CDKAL1: variants seen among roughly 807,000 people sequenced by gnomAD.
CDKAL1 encodes threonylcarbamoyladenosine tRNA methylthiotransferase.
A neutral mutation model predicts 68.2 loss-of-function variants in CDKAL1; 32 were observed. The observed-to-expected ratio is 0.47, with a 90% CI of 0.35 to 0.63. CDKAL1 has a LOEUF of 0.63. Among genes scored for constraint, CDKAL1 ranks in the 30% least tolerant of loss-of-function variants. CDKAL1 has a pLI of 0.00. For synonymous variants in CDKAL1, 234 were observed against 244.3 expected (o/e 0.96, Z 0.39); for missense variants, 606 against 696.7 (o/e 0.87, Z 1.47).
intron 12 of CDKAL1, among the ~76,000 whole-genome samples, chr6:21,087,341 T>G (rs1229457641): frequency 7.8e-6 from 1 of 127,432 alleles, no homozygotes; most frequent in Non-Finnish European, 1.7e-5. Flanking sequence ...CAAGTCTTTG[T>G]TTTTTTTGGA....
At chr6:20,981,371 C>T (rs553657732) in intron 10 of CDKAL1, among the ~76,000 whole-genome samples, 2 of 152,048 alleles carry the variant, frequency 1.3e-5, no homozygotes, top group Non-Finnish European at 2.9e-5. Context: ...TAGCTTCATA[C>T]TTGGTATATG....
rs914540926 is a variant in CDKAL1, at chr6:20,973,229, A to G, written c.909+17644A>G. On this transcript the variant is annotated intron_variant, in intron 10 of 15. Coordinates refer to ENST00000274695, the MANE Select transcript of CDKAL1 (RefSeq NM_017774.3). ...TCAAGAGTTATCAGCTATAATTATT[A>G]TCATTGTTACTATACTGAGATTTTG... Among the ~76,000 whole-genome samples, 63 of 152,208 alleles carry G rather than the reference A, an allele frequency of 4.1e-4. 3 individuals carry two copies.
intron 7 of CDKAL1, among the ~76,000 whole-genome samples, chr6:20,768,261 G>A (rs1774786567): frequency 6.6e-6 from 1 of 152,102 alleles, no homozygotes; most frequent in South Asian, 2.1e-4. Context: ...AACCTCACTG[G>A]TTCTCAGTTT....
chr6:20,755,344 A>G (rs551130559), intron 6 of CDKAL1, among the ~76,000 whole-genome samples: 1 of 152,292 alleles, frequency 6.6e-6, no homozygotes, highest in East Asian at 1.9e-4. Context: ...TCCCATTGCC[A>G]GATACTGGAC....
chr6:20,706,920 C>G (rs933915597), intron 5 of CDKAL1, among the ~76,000 whole-genome samples: 3 of 138,334 alleles, frequency 2.2e-5, no homozygotes, highest in Non-Finnish European at 4.6e-5. Flanking sequence ...GGATTTGTTC[C>G]AGATACAGCA....
intron 7 of CDKAL1, 79 bp from the exon 8 acceptor site, chr6:20,781,066 G>T: frequency 7.2e-7 from 1 of 1,387,622 alleles, no homozygotes; most frequent in South Asian, 1.4e-5. Context: ...GAAGTTAAAT[G>T]AACACATTTG....
At chr6:20,814,445 A>T (rs1776956345) in intron 8 of CDKAL1, among the ~76,000 whole-genome samples, 1 of 152,092 alleles carries the variant, frequency 6.6e-6, no homozygotes, top group South Asian at 2.1e-4. Context: ...ATACCCAGCT[A>T]ACTTTTGTAA....
At chr6:21,227,263 C>T (rs1209123708) in intron 15 of CDKAL1, among the ~76,000 whole-genome samples, 2 of 152,144 alleles carry the variant, frequency 1.3e-5, no homozygotes, top group Non-Finnish European at 2.9e-5. Flanking sequence ...CTGCTTTCAA[C>T]TGGTATGGTT....
At chr6:20,955,316 GAAT>G in intron 9 of CDKAL1, 100 bp from the exon 10 acceptor site, 1 of 1,190,044 alleles carries the variant, frequency 8.4e-7, no homozygotes. Flanking sequence ...CAGACTGCCT[GAAT>G]AATAGTGTTG....
At chr6:21,110,241 T>C (rs1774053724) in intron 13 of CDKAL1, among the ~76,000 whole-genome samples, 1 of 152,204 alleles carries the variant, frequency 6.6e-6, no homozygotes, top group Non-Finnish European at 1.5e-5. Context: ...GGAAAAGTTT[T>C]ATTCCAGGCA....
chr6:20,920,672 A>AAAT (rs1762912788), intron 9 of CDKAL1, among the ~76,000 whole-genome samples: 1 of 152,216 alleles, frequency 6.6e-6, no homozygotes, highest in Non-Finnish European at 1.5e-5. Flanking sequence ...GTTAGTATTA[A>AAAT]AATAATAATG....
rs778018390 is a variant in CDKAL1, at chr6:20,829,664, GA to G, written c.639-16406del. Among the ~76,000 whole-genome samples, 12 of 152,242 alleles carry G rather than the reference GA, an allele frequency of 7.9e-5. No individual in the cohort carries two copies. The South Asian group carries it at 1.0e-3, about 13-fold the overall frequency. On this transcript the variant is annotated intron_variant, in intron 8 of 15. Transcript: ENST00000274695. ...TCTCCAAAAGATTGAGTTGACAAAA[GA>G]AAAAGTAGCATCAAATGTTTTATTT...
At chr6:20,988,932 A>G (rs969760472) in intron 10 of CDKAL1, among the ~76,000 whole-genome samples, 1 of 151,206 alleles carries the variant, frequency 6.6e-6, no homozygotes, top group Non-Finnish European at 1.5e-5. Flanking sequence ...TGCTGGGATT[A>G]CAGGTACGAG....
chr6:20,899,863 T>C (rs1241530692), intron 9 of CDKAL1, among the ~76,000 whole-genome samples: 1 of 152,162 alleles, frequency 6.6e-6, no homozygotes, highest in African/African-American at 2.4e-5. Flanking sequence ...TTAAAAAATT[T>C]TTATTCTCAT....
intron 11 of CDKAL1, among the ~76,000 whole-genome samples, chr6:21,006,974 A>G (rs921931936): frequency 2.6e-5 from 4 of 152,212 alleles, no homozygotes; most frequent in Non-Finnish European, 5.9e-5. Context: ...CCAATCACAT[A>G]TACATGAAGT....
intron 8 of CDKAL1, among the ~76,000 whole-genome samples, chr6:20,788,093 C>A (rs1393558700): frequency 6.6e-6 from 1 of 152,110 alleles, no homozygotes; most frequent in Non-Finnish European, 1.5e-5. Flanking sequence ...CCAGTACTTT[C>A]AAAAATGGAA....
At chr6:20,989,171 G>C (rs1169879296) in intron 10 of CDKAL1, among the ~76,000 whole-genome samples, 1 of 152,052 alleles carries the variant, frequency 6.6e-6, no homozygotes, top group African/African-American at 2.4e-5. Context: ...AGCATCAGGA[G>C]TCAAATGAGA....
At chr6:20,561,790 A>G (rs1281803940) in intron 4 of CDKAL1, among the ~76,000 whole-genome samples, 1 of 152,204 alleles carries the variant, frequency 6.6e-6, no homozygotes, top group Admixed American at 6.5e-5. Context: ...TATTCTTTTT[A>G]TCTTTAAGTT....
intron 4 of CDKAL1, among the ~76,000 whole-genome samples, chr6:20,565,912 G>C (rs1405134652): frequency 1.3e-5 from 2 of 151,948 alleles, no homozygotes. Flanking sequence ...AATAACAAAG[G>C]CTTTTTTCCT....
Sources: allele counts gnomAD v4.1 joint callset (sites outside exome capture counted in the v4.1 genomes callset), GRCh38; gene constraint gnomAD v4.1.1; transcripts MANE v1.5; gene names NCBI Gene and HGNC (gene_info 2026-07-23, HGNC 2026-07-21).